Variants in COL5A2 observed in about 807,000 individuals in gnomAD.
COL5A2 encodes collagen alpha-2(V) chain.
In COL5A2, 23 loss-of-function variants were observed where a neutral mutation model predicts 208.2. That is an observed-to-expected ratio of 0.11 (90% CI 0.08 to 0.16). The LOEUF (loss-of-function observed/expected upper bound fraction) is 0.16. COL5A2 is among the 10% of genes least tolerant of loss of function. The pLI is 1.00. For synonymous variants in COL5A2, 625 were observed against 628.5 expected (o/e 0.99, Z 0.08); for missense variants, 1,590 against 1,956.4 (o/e 0.81, Z 3.53).
At chr2:189,099,103 G>A (rs1686996505) in intron 4 of COL5A2, among the ~76,000 whole-genome samples, 1 of 152,060 alleles carries the variant, frequency 6.6e-6, no homozygotes, top group Non-Finnish European at 1.5e-5. Context: ...ATGTAAAATG[G>A]TAGTGATGAT....
intron 24 of COL5A2, 53 bp from the exon 25 acceptor site, chr2:189,064,708 G>T: frequency 8.2e-7 from 1 of 1,222,784 alleles, no homozygotes; most frequent in Non-Finnish European, 1.2e-6. Context: ...AAAAACAAAA[G>T]CAAGCAGAAG....
At chr2:189,113,066 T>C (rs1170594430) in intron 1 of COL5A2, among the ~76,000 whole-genome samples, 1 of 152,200 alleles carries the variant, frequency 6.6e-6, no homozygotes, top group Non-Finnish European at 1.5e-5. Flanking sequence ...GTTTCTCTCA[T>C]TACACACTCT....
chr2:189,316,879 C>T, the COL5A2 span, among the ~76,000 whole-genome samples: 1 of 150,458 alleles, frequency 6.6e-6, no homozygotes, highest in African/African-American at 2.4e-5. Context: ...TTTAAAATAA[C>T]TTAAAAGTGT....
the COL5A2 span, among the ~76,000 whole-genome samples, chr2:189,317,810 T>A: frequency 2.0e-5 from 3 of 152,146 alleles, no homozygotes; most frequent in Non-Finnish European, 4.4e-5. Context: ...TAAAACTTAT[T>A]TGCAGGTGAT....
At chr2:189,367,355 T>A in the COL5A2 span, among the ~76,000 whole-genome samples, 25 of 152,218 alleles carry the variant, frequency 1.6e-4, no homozygotes, top group Admixed American at 1.6e-3. Context: ...CTTCTTAGCA[T>A]GTAAAACAGC....
chr2:189,190,773 C>T (rs1369338326), intron 1 of COL5A2, among the ~76,000 whole-genome samples: 1 of 152,214 alleles, frequency 6.6e-6, no homozygotes, highest in Non-Finnish European at 1.5e-5. Context: ...TCCTAATATG[C>T]TCATCCTTCT....
intron 1 of COL5A2, among the ~76,000 whole-genome samples, chr2:189,219,828 G>C (rs2105877295): frequency 6.6e-6 from 1 of 152,222 alleles, no homozygotes; most frequent in Admixed American, 6.5e-5. Flanking sequence ...GGGAGCTATG[G>C]AACCAGGGAC....
chr2:189,278,480 A>G, the COL5A2 span, among the ~76,000 whole-genome samples: 2 of 152,232 alleles, frequency 1.3e-5, no homozygotes, highest in African/African-American at 4.8e-5. Context: ...GAAGAAACAG[A>G]AAATTAAACA....
intron 6 of COL5A2, among the ~76,000 whole-genome samples, chr2:189,094,453 A>T (rs1442510074): frequency 1.3e-5 from 2 of 151,566 alleles, no homozygotes; most frequent in East Asian, 3.9e-4. Context: ...CCTCCGCAGT[A>T]ATCTACAATA....
intron 41 of COL5A2, 27 bp from the exon 42 acceptor site, chr2:189,051,508 A>C: frequency 6.3e-7 from 1 of 1,585,888 alleles, no homozygotes; most frequent in Non-Finnish European, 8.6e-7. Context: ...AGAAACACCA[A>C]GGAGGGCAAA....
At chr2:189,048,161 TC>T in intron 45 of COL5A2, 47 bp downstream of exon 45, 1 of 1,557,612 alleles carries the variant, frequency 6.4e-7, no homozygotes. Context: ...TAAAAAGATT[TC>T]AGATTTGCAT....
At chr2:189,411,686 T>C in the COL5A2 span, among the ~76,000 whole-genome samples, 6 of 152,278 alleles carry the variant, frequency 3.9e-5, no homozygotes, top group Admixed American at 6.5e-5. Flanking sequence ...TTTGGGAAAA[T>C]AGAAGTTCTG....
chr2:189,298,043 T>C, the COL5A2 span, among the ~76,000 whole-genome samples: 5 of 152,128 alleles, frequency 3.3e-5, no homozygotes, highest in East Asian at 9.6e-4. Context: ...GCCCTAAATA[T>C]GAGGACAGAA....
the COL5A2 span, among the ~76,000 whole-genome samples, chr2:189,440,692 T>G: frequency 2.0e-5 from 3 of 152,076 alleles, no homozygotes; most frequent in African/African-American, 7.2e-5. Context: ...AAAGGAAAAC[T>G]GGAGATAAAC....
chr2:189,413,712 C>A, the COL5A2 span, among the ~76,000 whole-genome samples: 2 of 151,516 alleles, frequency 1.3e-5, no homozygotes, highest in Non-Finnish European at 2.9e-5. Context: ...AGTAACAATC[C>A]CAGCATTGAA....
At chr2:189,204,991 C>T (rs1389307700) in intron 1 of COL5A2, among the ~76,000 whole-genome samples, 1 of 152,106 alleles carries the variant, frequency 6.6e-6, no homozygotes, top group Non-Finnish European at 1.5e-5. Flanking sequence ...TTTTTCACAC[C>T]TGGAAATAGG....
chr2:189,166,896 G>C (rs1688475126), intron 1 of COL5A2, among the ~76,000 whole-genome samples: 1 of 152,190 alleles, frequency 6.6e-6, no homozygotes, highest in African/African-American at 2.4e-5. Context: ...CTCCCCATGA[G>C]GCTCGGAAAG....
intron 1 of COL5A2, among the ~76,000 whole-genome samples, chr2:189,168,262 A>G (rs1342017093): frequency 1.5e-5 from 2 of 135,336 alleles, no homozygotes; most frequent in Non-Finnish European, 3.2e-5. Flanking sequence ...TTTAATTCTT[A>G]CAACAGAATC....
At chr2:189,238,535 G>A in the COL5A2 span, among the ~76,000 whole-genome samples, 1 of 152,056 alleles carries the variant, frequency 6.6e-6, no homozygotes, top group African/African-American at 2.4e-5. Context: ...GAGTGTATTA[G>A]TCCATTTTCA....
Sources: gnomAD v4.1 joint callset for allele counts (sites outside exome capture counted in the v4.1 genomes callset) on GRCh38, gnomAD v4.1.1 for gene constraint, MANE v1.5 for transcripts, NCBI Gene and HGNC (gene_info 2026-07-23, HGNC 2026-07-21) for gene names.